ASIC2: variants seen among roughly 807,000 people sequenced by gnomAD.
ASIC2 encodes acid-sensing ion channel 2.
In ASIC2, 25 loss-of-function variants were observed where a neutral mutation model predicts 57.3. The ratio of observed to expected loss-of-function variants is 0.44; its 90% confidence interval spans 0.32 to 0.61. ASIC2 has a LOEUF of 0.61. ASIC2 is among the 20% of genes least tolerant of loss of function. The pLI is 0.06. For missense variants in ASIC2, 641 were observed against 738.1 expected, an observed-to-expected ratio of 0.87 and a Z score of 1.52; for synonymous variants, 319 against 307.5, an observed-to-expected ratio of 1.04 and a Z score of -0.39.
intron 3 of ASIC2, among the ~76,000 whole-genome samples, chr17:33,049,157 G>T (rs1008907468): frequency 1.3e-5 from 2 of 152,196 alleles, no homozygotes; most frequent in Non-Finnish European, 2.9e-5. Context: ...CAGCAGTACG[G>T]CCCCACAGAT....
intron 1 of ASIC2, among the ~76,000 whole-genome samples, chr17:33,576,928 T>C (rs1282105694): frequency 2.6e-5 from 4 of 152,158 alleles, no homozygotes; most frequent in African/African-American, 9.7e-5. Flanking sequence ...CATAGAGTTG[T>C]TGTAAGGGTT....
chr17:33,052,958 A>G (rs998916996), intron 3 of ASIC2: 2 of 152,174 alleles, frequency 1.3e-5, no homozygotes, highest in Non-Finnish European at 2.9e-5. Context: ...CTAAAGAGAG[A>G]TGAGCCTGAA....
chr17:33,044,499 A>G (rs1324205240), intron 3 of ASIC2, among the ~76,000 whole-genome samples: 1 of 152,070 alleles, frequency 6.6e-6, no homozygotes, highest in East Asian at 1.9e-4. Context: ...CAGCCTCCCA[A>G]GTAGCTGAGA....
rs550407963 is a variant in ASIC2 at position 33,925,308 on chromosome 17, C to A, written c.555+230670G>T. ...TAAGCGCAAAATGCACTGAAGGCAC[C>A]CCATGCATGACACTTCTCGTCCTCC... On this transcript the variant is annotated intron_variant, in intron 1 of 9. Coordinates refer to the ASIC2 transcript ENST00000359872. Among the ~76,000 whole-genome samples the A allele has an allele frequency of 3.9e-5, 6 of 152,336 alleles. No individual in the cohort carries two copies. In the South Asian group the frequency reaches 8.3e-4, roughly 21 times the overall value.
At chr17:34,083,021 ATT>A (rs61456294) in intron 1 of ASIC2, among the ~76,000 whole-genome samples, 15 of 148,258 alleles carry the variant, frequency 1.0e-4, no homozygotes, top group African/African-American at 2.7e-4. Context: ...TTTGCATGCT[ATT>A]TTTTTTTTAT....
intron 1 of ASIC2, among the ~76,000 whole-genome samples, chr17:33,302,496 C>T (rs1412023399): frequency 1.3e-5 from 2 of 152,122 alleles, no homozygotes. Flanking sequence ...TGCATACAGG[C>T]CCTCTGCAGT....
At chr17:33,164,569 C>T (rs1429427862) in intron 1 of ASIC2, among the ~76,000 whole-genome samples, 2 of 93,586 alleles carry the variant, frequency 2.1e-5, no homozygotes, top group Non-Finnish European at 4.3e-5. Context: ...CCCAAAAGCA[C>T]ATGCACGCAC....
At chr17:33,163,334 C>T (rs1442395232) in intron 1 of ASIC2, among the ~76,000 whole-genome samples, 1 of 152,100 alleles carries the variant, frequency 6.6e-6, no homozygotes, top group East Asian at 1.9e-4. Flanking sequence ...TGCAGAGTGA[C>T]TCTCTGACCT....
intron 1 of ASIC2, among the ~76,000 whole-genome samples, chr17:33,329,154 C>A (rs1051647500): frequency 5.9e-5 from 9 of 152,182 alleles, no homozygotes; most frequent in African/African-American, 1.9e-4. Context: ...GCTGCAGGTT[C>A]AAATCCCAGC....
chr17:33,730,998 C>T (rs750358615), intron 1 of ASIC2, among the ~76,000 whole-genome samples: 39 of 152,214 alleles, frequency 2.6e-4, no homozygotes, highest in Non-Finnish European at 2.6e-4. Flanking sequence ...ACACTCTCCT[C>T]TCCCTGCACC....
chr17:33,114,382 C>T (rs1211736289), intron 1 of ASIC2, among the ~76,000 whole-genome samples: 7 of 152,230 alleles, frequency 4.6e-5, no homozygotes, highest in Admixed American at 2.6e-4. Flanking sequence ...GCATTGAACA[C>T]ACCTGGAGTG....
rs538612121 is a variant in ASIC2, at chr17:34,084,256, C to T, written c.555+71722G>A. Reference sequence around the variant, plus strand: ...TTCTACATGTGGCTAGCCAGTTTTCCACATATGGCTAGCCAGTTTTCCCAG... The same window carrying T: ...TTCTACATGTGGCTAGCCAGTTTTCTACATATGGCTAGCCAGTTTTCCCAG... On this transcript the variant is annotated intron_variant, in intron 1 of 9. Coordinates refer to the ASIC2 transcript ENST00000359872. Among the ~76,000 whole-genome samples the T allele has an allele frequency of 3.0e-3, 450 of 151,584 alleles. 1 individual carries two copies. In the Middle Eastern group the frequency reaches 0.031, roughly 10 times the overall value.
chr17:33,451,562 G>A (rs973749597), intron 1 of ASIC2, among the ~76,000 whole-genome samples: 6 of 152,052 alleles, frequency 3.9e-5, no homozygotes, highest in African/African-American at 7.2e-5. Flanking sequence ...TCCTCTTCCC[G>A]TGACACAAAA....
chr17:34,143,504 G>A (rs114258698), intron 1 of ASIC2, among the ~76,000 whole-genome samples: 197 of 152,284 alleles, frequency 1.3e-3, no homozygotes, highest in African/African-American at 4.5e-3. Flanking sequence ...TTCTTATAAA[G>A]CAAGGTTGCC....
chr17:33,460,945 C>T (rs1420046944), intron 1 of ASIC2, among the ~76,000 whole-genome samples: 1 of 152,238 alleles, frequency 6.6e-6, no homozygotes, highest in Non-Finnish European at 1.5e-5. Context: ...GAACTATCAA[C>T]CATCCAGCCA....
chr17:34,074,854 C>T (rs893401263), intron 1 of ASIC2, among the ~76,000 whole-genome samples: 2 of 145,114 alleles, frequency 1.4e-5, no homozygotes, highest in South Asian at 2.2e-4. Flanking sequence ...GACGCGATCT[C>T]GGCTCACCAC....
chr17:33,061,324 T>C (rs1447332969), intron 3 of ASIC2, among the ~76,000 whole-genome samples: 1 of 152,118 alleles, frequency 6.6e-6, no homozygotes, highest in South Asian at 2.1e-4. Context: ...TTATTATTTT[T>C]AGATATGTTG....
At chr17:33,726,895 G>A (rs765108992) in intron 1 of ASIC2, among the ~76,000 whole-genome samples, 2 of 152,222 alleles carry the variant, frequency 1.3e-5, no homozygotes, top group Non-Finnish European at 2.9e-5. Context: ...TGGTCTTGCA[G>A]CCATCCTCAA....
intron 3 of ASIC2, among the ~76,000 whole-genome samples, chr17:33,032,422 T>C (rs1333193679): frequency 6.8e-6 from 1 of 146,934 alleles, no homozygotes; most frequent in Non-Finnish European, 1.5e-5. Context: ...ACATCTGTTA[T>C]AAGCACTATA....
Sources: allele counts gnomAD v4.1 joint callset (sites outside exome capture counted in the v4.1 genomes callset), GRCh38; gene constraint gnomAD v4.1.1; transcripts MANE v1.5; gene names NCBI Gene and HGNC (gene_info 2026-07-23, HGNC 2026-07-21).